EYA4: variants seen among roughly 807,000 people sequenced by gnomAD.
EYA4 encodes the protein protein phosphatase EYA4.
EYA4 carries 31 observed loss-of-function variants against 87.9 expected under a neutral mutation model. The ratio of observed to expected loss-of-function variants is 0.35; its 90% CI spans 0.27 to 0.48. The LOEUF (loss-of-function observed/expected upper bound fraction) is 0.48, where lower values mean the gene tolerates loss of function less well. EYA4 is among the 20% of genes least tolerant of loss of function. The pLI, the probability that EYA4 is intolerant of heterozygous loss-of-function variation, is 0.99. For synonymous variants in EYA4, 263 were observed against 270.6 expected, an observed-to-expected ratio of 0.97 and a Z score of 0.28; for missense variants, 678 against 761.4, an observed-to-expected ratio of 0.89 and a Z score of 1.29.
At chr6:133,299,840 G>C (rs1487970357) in intron 2 of EYA4, among the ~76,000 whole-genome samples, 1 of 151,342 alleles carries the variant, frequency 6.6e-6, no homozygotes, top group Admixed American at 6.6e-5. Context: ...TGATGATCAT[G>C]TTAAGATGAA....
chr6:133,415,205 G>T (rs1309461626), intron 3 of EYA4, among the ~76,000 whole-genome samples: 2 of 152,142 alleles, frequency 1.3e-5, no homozygotes, highest in African/African-American at 4.8e-5. Context: ...ATTGACAAAG[G>T]ACCTCATTAC....
chr6:133,298,119 G>A (rs1308550555), intron 2 of EYA4, among the ~76,000 whole-genome samples: 1 of 151,878 alleles, frequency 6.6e-6, no homozygotes, highest in Non-Finnish European at 1.5e-5. Flanking sequence ...AATTTGACGT[G>A]TTATACTTCT....
At chr6:133,397,105 T>A (rs1787872328) in intron 3 of EYA4, among the ~76,000 whole-genome samples, 2 of 152,208 alleles carry the variant, frequency 1.3e-5, no homozygotes, top group South Asian at 4.1e-4. Flanking sequence ...AGCATTCTCT[T>A]CTATAGCTTC....
At chr6:133,403,496 T>G (rs1317675601) in intron 3 of EYA4, among the ~76,000 whole-genome samples, 1 of 152,176 alleles carries the variant, frequency 6.6e-6, no homozygotes, top group African/African-American at 2.4e-5. Flanking sequence ...AAATACAACT[T>G]TGTTCTTGTA....
At chr6:133,420,299 G>A (rs1003891308) in intron 3 of EYA4, among the ~76,000 whole-genome samples, 7 of 152,184 alleles carry the variant, frequency 4.6e-5, no homozygotes, top group Non-Finnish European at 8.8e-5. Context: ...AAAGACTATA[G>A]AAAGAAGGGG....
intron 3 of EYA4, among the ~76,000 whole-genome samples, chr6:133,396,216 A>G (rs1583167493): frequency 6.6e-6 from 1 of 152,352 alleles, no homozygotes; most frequent in Non-Finnish European, 1.5e-5. Flanking sequence ...TTAATTTGTC[A>G]AAATTCCATA....
At chr6:133,491,951 C>CAAAAAAAAA (rs34316449) in intron 13 of EYA4, among the ~76,000 whole-genome samples, 869 of 83,672 alleles carry the variant, frequency 0.01, 25 homozygotes, top group African/African-American at 0.039. Flanking sequence ...AACTCCGTCT[C>CAAAAAAAAA]AAAAAAAAAA....
intron 2 of EYA4, among the ~76,000 whole-genome samples, chr6:133,376,932 A>C (rs1180989945): frequency 1.3e-5 from 2 of 152,036 alleles, no homozygotes; most frequent in East Asian, 3.8e-4. Flanking sequence ...GTGTAATAAG[A>C]GAAATGACAT....
chr6:133,492,433 C>A (rs949541349), intron 13 of EYA4, among the ~76,000 whole-genome samples: 1 of 152,076 alleles, frequency 6.6e-6, no homozygotes, highest in African/African-American at 2.4e-5. Context: ...CTTCAAAAAA[C>A]TGGGTATGGA....
intron 2 of EYA4, among the ~76,000 whole-genome samples, chr6:133,342,079 C>A (rs1782824252): frequency 6.6e-6 from 1 of 151,980 alleles, no homozygotes; most frequent in Non-Finnish European, 1.5e-5. Context: ...TTGGAATCAT[C>A]AGGGCTTAAG....
chr6:133,486,380 C>T (rs764522937), intron 13 of EYA4, among the ~76,000 whole-genome samples: 5 of 152,004 alleles, frequency 3.3e-5, no homozygotes, highest in Middle Eastern at 3.4e-3. Context: ...TCAGGGTTCA[C>T]GGCAGATGGG....
At chr6:133,367,019 A>G (rs1341602634) in intron 2 of EYA4, among the ~76,000 whole-genome samples, 2 of 152,204 alleles carry the variant, frequency 1.3e-5, no homozygotes, top group Non-Finnish European at 2.9e-5. Flanking sequence ...TTAGTTTGCC[A>G]GTAATGAAAA....
chr6:133,252,662 A>C (rs914300378), intron 1 of EYA4, among the ~76,000 whole-genome samples: 3 of 152,192 alleles, frequency 2.0e-5, no homozygotes, highest in African/African-American at 7.2e-5. Context: ...CTTTTCCCAT[A>C]TGAGTTTTGG....
At chr6:133,490,926 T>C (rs1461704151) in intron 13 of EYA4, among the ~76,000 whole-genome samples, 1 of 152,152 alleles carries the variant, frequency 6.6e-6, no homozygotes, top group East Asian at 1.9e-4. Context: ...CCTACACACA[T>C]GGATCATTCT....
chr6:133,527,185 C>T (rs917686785), intron 19 of EYA4, among the ~76,000 whole-genome samples: 25 of 152,172 alleles, frequency 1.6e-4, no homozygotes, highest in African/African-American at 6.0e-4. Context: ...ATTGGTTTCT[C>T]TAGTACCCAG....
intron 2 of EYA4, among the ~76,000 whole-genome samples, chr6:133,359,314 C>T (rs1004097187): frequency 2.0e-5 from 3 of 152,130 alleles, no homozygotes; most frequent in Non-Finnish European, 4.4e-5. Context: ...GTGAAAATTT[C>T]CTAGCTGAAC....
intron 19 of EYA4, 72 bp downstream of exon 19, chr6:133,525,326 G>GC: frequency 8.0e-7 from 1 of 1,248,124 alleles, no homozygotes; most frequent in South Asian, 1.2e-5. Context: ...CTGTAGTTTG[G>GC]CCCAATGGCA....
chr6:133,379,103 A>G (rs187633815), intron 2 of EYA4, among the ~76,000 whole-genome samples: 1 of 152,052 alleles, frequency 6.6e-6, no homozygotes, highest in African/African-American at 2.4e-5. Context: ...TTTCCACTTC[A>G]TTCAAAACAC....
chr6:133,385,418 TGTGTGTGTGTGTGTGTGTGTGTGA>T (rs1431508576), intron 3 of EYA4, among the ~76,000 whole-genome samples: 5 of 146,726 alleles, frequency 3.4e-5, no homozygotes, highest in African/African-American at 2.6e-5. Flanking sequence ...TGTGTGTGTG[TGTGTGTGTGTGTGTGTGTGTGTGA>T]GAGAGAGAGA....
Sources: gnomAD v4.1 joint callset for allele counts (sites outside exome capture counted in the v4.1 genomes callset) on GRCh38, gnomAD v4.1.1 for gene constraint, MANE v1.5 for transcripts, NCBI Gene and HGNC (gene_info 2026-07-23, HGNC 2026-07-21) for gene names.